The following SHROOM3 variants were observed in gnomAD, a reference collection of about 807,000 sequenced individuals.
SHROOM3 encodes the protein protein Shroom3.
A neutral mutation model predicts 138.6 loss-of-function variants in SHROOM3; 47 were observed. The ratio of observed to expected loss-of-function variants is 0.34; its 90% confidence interval spans 0.27 to 0.43. The LOEUF is 0.43. Among genes scored for constraint, SHROOM3 ranks in the 20% least tolerant of loss-of-function variants. The pLI, the probability that SHROOM3 is intolerant of heterozygous loss-of-function variation, is 1.00. For missense variants in SHROOM3, 2,491 were observed against 2,596.5 expected (o/e 0.96, Z 0.88); for synonymous variants, 1,062 against 1,063.3 (o/e 1.00, Z 0.02).
At chr4:76,610,124 CA>C (rs1734731440) in intron 2 of SHROOM3, among the ~76,000 whole-genome samples, 1 of 152,168 alleles carries the variant, frequency 6.6e-6, no homozygotes, top group African/African-American at 2.4e-5. Flanking sequence ...TCTGTCAAAC[CA>C]AAGCAAATAA....
intron 2 of SHROOM3, among the ~76,000 whole-genome samples, chr4:76,694,073 A>G (rs974642768): frequency 2.0e-5 from 3 of 152,222 alleles, no homozygotes; most frequent in Non-Finnish European, 4.4e-5. Flanking sequence ...TATTTAATCT[A>G]TTAAGCTTCA....
chr4:76,581,169 T>C (rs956461141), intron 2 of SHROOM3, among the ~76,000 whole-genome samples: 2 of 152,204 alleles, frequency 1.3e-5, no homozygotes, highest in Admixed American at 1.3e-4. Context: ...TAACTTGGTT[T>C]TCCCTGTCTG....
At chr4:76,464,735 G>C (rs939753997) in intron 1 of SHROOM3, among the ~76,000 whole-genome samples, 1 of 152,146 alleles carries the variant, frequency 6.6e-6, no homozygotes, top group Non-Finnish European at 1.5e-5. Context: ...ATTCTCATGA[G>C]ATCTGGTTGT....
At chr4:76,601,649 T>A (rs1292689650) in intron 2 of SHROOM3, among the ~76,000 whole-genome samples, 2 of 151,434 alleles carry the variant, frequency 1.3e-5, no homozygotes, top group African/African-American at 4.8e-5. Flanking sequence ...GGACTACAGG[T>A]GCGCCACCAA....
intron 1 of SHROOM3, among the ~76,000 whole-genome samples, chr4:76,553,569 C>T (rs1201124759): frequency 5.3e-5 from 8 of 152,162 alleles, no homozygotes; most frequent in African/African-American, 1.4e-4. Context: ...AGACACCGCA[C>T]GAGGCCCACC....
intron 1 of SHROOM3, among the ~76,000 whole-genome samples, chr4:76,551,540 A>G (rs972728974): frequency 1.3e-5 from 2 of 152,198 alleles, no homozygotes; most frequent in Non-Finnish European, 2.9e-5. Flanking sequence ...GTGGCTGTTC[A>G]TAAATATTTA....
At chr4:76,778,634 T>TTAC (rs1228980806) in intron 10 of SHROOM3, among the ~76,000 whole-genome samples, 175 bp from the exon 11 acceptor site, 195 of 152,338 alleles carry the variant, frequency 1.3e-3, no homozygotes, top group African/African-American at 4.6e-3. Flanking sequence ...GAGAATGCTG[T>TTAC]AATATGTAAT....
At chr4:76,667,948 CAGA>C (rs1718753599) in intron 2 of SHROOM3, among the ~76,000 whole-genome samples, 1 of 108,666 alleles carries the variant, frequency 9.2e-6, no homozygotes, top group Non-Finnish European at 1.7e-5. Flanking sequence ...GCCTGGGCGA[CAGA>C]AGGAGACTCC....
chr4:76,779,197 C>A lies in SHROOM3; in HGVS notation c.*20C>A. 1.3e-6 allele frequency: 2 copies of A among 1,580,538 alleles called. No individual in the cohort carries two copies. The highest frequency in any genetic ancestry group is 1.4e-5 in the African/African-American group (1 of 73,880). ...CTTTAACCTCTTCTAAAATACCCAA[C>A]CAAAAGATCACTGTTTCTCTCAACA... On this transcript the variant is annotated 3_prime_UTR_variant, in exon 11 of 11. Transcript: ENST00000296043.
rs1312330135 is a variant in SHROOM3 at position 76,781,223 on chromosome 4, G to A, written c.*2046G>A. 1 of 151,976 alleles carries A rather than the reference G, an allele frequency of 6.6e-6. No homozygotes were observed. The highest frequency in any genetic ancestry group is 1.5e-5 in the Non-Finnish European group (1 of 68,076). 9.4% of individuals were successfully genotyped at this position (151,976 alleles called of 1,614,324 possible). ...GCTCATTGCAGTCTGAACCTCTGAG[G>A]CTCAAGCCATCCTCCCATCTCAGCC... On this transcript the variant is annotated 3_prime_UTR_variant, in exon 11 of 11. Transcript: ENST00000296043.
chr4:76,713,176 A>C (rs891235159), intron 3 of SHROOM3, among the ~76,000 whole-genome samples: 1 of 152,238 alleles, frequency 6.6e-6, no homozygotes, highest in Non-Finnish European at 1.5e-5. Flanking sequence ...TTTTTCTTCT[A>C]TAATTAACGT....
At chr4:76,583,949 T>C (rs1734098233) in intron 2 of SHROOM3, among the ~76,000 whole-genome samples, 2 of 152,252 alleles carry the variant, frequency 1.3e-5, no homozygotes, top group South Asian at 4.1e-4. Context: ...GCTTTCCTTA[T>C]TCATCTCATA....
intron 1 of SHROOM3, among the ~76,000 whole-genome samples, chr4:76,474,135 C>T (rs1731434697): frequency 6.6e-6 from 1 of 152,146 alleles, no homozygotes; most frequent in South Asian, 2.1e-4. Flanking sequence ...CTGATTCATG[C>T]TACAGCACAG....
At chr4:76,585,207 AG>A (rs1235450282) in intron 2 of SHROOM3, among the ~76,000 whole-genome samples, 11 of 152,118 alleles carry the variant, frequency 7.2e-5, no homozygotes, top group African/African-American at 2.2e-4. Context: ...GTGTGTGGGG[AG>A]GGGGGCATGC....
At chr4:76,716,344 C>T (rs1363533448) in intron 3 of SHROOM3, 2 of 518,996 alleles carry the variant, frequency 3.9e-6, no homozygotes, top group East Asian at 5.5e-5. Context: ...GCTTTTTATT[C>T]CACGACTGAA....
rs368937017 is a variant in SHROOM3 at position 76,580,935 on chromosome 4, CT to C, written c.323+25181del. 8.0e-3 allele frequency among the ~76,000 whole-genome samples: 1,206 copies of C among 151,622 alleles called. 11 individuals are homozygous for C. Among genetic ancestry groups the C allele is most frequent in the African/African-American group, 0.021 (885 of 41,384 alleles). On this transcript the variant is annotated intron_variant, in intron 2 of 10. Coordinates refer to ENST00000296043, the MANE Select transcript of SHROOM3 (RefSeq NM_020859.4). ...TGTGCTTCTACCTTTCCACCTTATT[CT>C]TTTTTTTTATTATACTTTAAGTTTT...
At chr4:76,732,350 C>A (rs988030132) in intron 4 of SHROOM3, among the ~76,000 whole-genome samples, 6 of 152,192 alleles carry the variant, frequency 3.9e-5, no homozygotes, top group African/African-American at 1.2e-4. Flanking sequence ...AAGGCCAGAA[C>A]TCAGTCACAG....
chr4:76,740,498 G>A lies in SHROOM3; in HGVS notation c.2325G>A (p.Gly775=), dbSNP rs1578008562. Reference sequence around the variant, plus strand: ...CGGCTCTTCAGGGCTTTCAGTACGGGAAGCCCCACTGCTCGGTGCTGGAGA... The same window carrying A: ...CGGCTCTTCAGGGCTTTCAGTACGGAAAGCCCCACTGCTCGGTGCTGGAGA... ...SASALQGFQY[G]KPHCSVLEKV... The change falls in exon 5 of 11, where the codon GGG becomes GGA. Residue 775 remains glycine, a synonymous_variant. Transcript: ENST00000296043. The surrounding 1 kb of genome is among the most constrained non-coding windows in gnomAD (Gnocchi z 4.0). 4 of 1,613,404 alleles carry A rather than the reference G, an allele frequency of 2.5e-6. No homozygotes were observed. The highest frequency in any genetic ancestry group is 3.4e-6 in the Non-Finnish European group (4 of 1,179,602).
intron 1 of SHROOM3, among the ~76,000 whole-genome samples, chr4:76,498,906 G>A (rs985200139): frequency 1.3e-5 from 2 of 152,162 alleles, no homozygotes; most frequent in African/African-American, 4.8e-5. Context: ...AGTTTCACCA[G>A]TCCTGCCTCT....
Sources: gnomAD v4.1 joint callset for allele counts (sites outside exome capture counted in the v4.1 genomes callset) on GRCh38, gnomAD v4.1.1 for gene constraint, Gnocchi (gnomAD v3.1) non-coding constraint, MANE v1.5 for transcripts, NCBI Gene and HGNC (gene_info 2026-07-23, HGNC 2026-07-21) for gene names.